Variants in KCNMB2 observed in about 807,000 individuals in gnomAD.
The protein encoded by KCNMB2 is calcium-activated potassium channel subunit beta-2.
Under a neutral mutation model 24.5 loss-of-function variants are expected in KCNMB2, and 9 were observed. The observed-to-expected ratio is 0.37, with a 90% CI of 0.22 to 0.64. The LOEUF is 0.64. Ranked by LOEUF, KCNMB2 falls within the 30% of genes least tolerant of loss-of-function variation. The pLI, the probability that KCNMB2 is intolerant of heterozygous loss-of-function variation, is 0.63. For missense variants in KCNMB2, 226 were observed against 284.3 expected (o/e 0.79, Z 1.47); for synonymous variants, 109 against 104.4 (o/e 1.04, Z -0.27).
At chr3:178,675,620 T>C (rs901583831) in intron 1 of KCNMB2, among the ~76,000 whole-genome samples, 14 of 152,216 alleles carry the variant, frequency 9.2e-5, no homozygotes, top group Admixed American at 7.2e-4. Flanking sequence ...AAATCTTTGA[T>C]CAATGTTCAC....
intron 1 of KCNMB2, among the ~76,000 whole-genome samples, chr3:178,784,241 C>T (rs11924694): frequency 0.12 from 18,883 of 152,076 alleles, 1,284 homozygotes; most frequent in East Asian, 0.22. Context: ...TGCATCATAG[C>T]AAAACAATTG....
chr3:178,540,613 T>C (rs1054458111), intron 1 of KCNMB2, among the ~76,000 whole-genome samples: 1 of 152,210 alleles, frequency 6.6e-6, no homozygotes, highest in African/African-American at 2.4e-5. Context: ...CCAAGCACTC[T>C]CAAACCTCAG....
intron 1 of KCNMB2, among the ~76,000 whole-genome samples, chr3:178,613,661 G>T (rs1256072916): frequency 2.0e-5 from 3 of 152,264 alleles, no homozygotes; most frequent in East Asian, 3.9e-4. Flanking sequence ...CTCCTGCACT[G>T]TAAAGTTTCC....
At chr3:178,588,419 G>A (rs1165628884) in intron 1 of KCNMB2, among the ~76,000 whole-genome samples, 1 of 152,072 alleles carries the variant, frequency 6.6e-6, no homozygotes, top group East Asian at 1.9e-4. Context: ...TTAAGAGAGT[G>A]TTAGCAAGCC....
chr3:178,775,533 T>C (rs1204284874), intron 1 of KCNMB2, among the ~76,000 whole-genome samples: 2 of 152,198 alleles, frequency 1.3e-5, no homozygotes, highest in Admixed American at 6.5e-5. Context: ...ACGCTAAAAA[T>C]ATTAGATTCT....
At chr3:178,696,309 A>T (rs1721873190) in intron 1 of KCNMB2, among the ~76,000 whole-genome samples, 2 of 152,116 alleles carry the variant, frequency 1.3e-5, no homozygotes, top group African/African-American at 4.8e-5. Flanking sequence ...TTGAGTGGGG[A>T]CACAGCCAAA....
intron 1 of KCNMB2, among the ~76,000 whole-genome samples, chr3:178,680,169 G>A (rs1010417510): frequency 2.0e-5 from 3 of 152,138 alleles, no homozygotes; most frequent in Non-Finnish European, 4.4e-5. Context: ...GACTGCACAC[G>A]TCTTCCCTAA....
chr3:178,640,327 G>T (rs1719677910), intron 1 of KCNMB2, among the ~76,000 whole-genome samples: 1 of 152,190 alleles, frequency 6.6e-6, no homozygotes, highest in African/African-American at 2.4e-5. Flanking sequence ...AATCACAGCA[G>T]AAGGCAAAGG....
At chr3:178,702,238 C>T (rs1430068307) in intron 1 of KCNMB2, among the ~76,000 whole-genome samples, 2 of 130,944 alleles carry the variant, frequency 1.5e-5, no homozygotes, top group South Asian at 2.4e-4. Context: ...ACAATGAGAA[C>T]ACTTGGACAC....
chr3:178,710,475 A>G (rs1203489519), intron 1 of KCNMB2, among the ~76,000 whole-genome samples: 2 of 152,170 alleles, frequency 1.3e-5, no homozygotes, highest in East Asian at 3.9e-4. Context: ...AGACCTCAAT[A>G]ATCCTAAATT....
At chr3:178,765,511 T>C (rs964383539) in intron 1 of KCNMB2, among the ~76,000 whole-genome samples, 2 of 152,228 alleles carry the variant, frequency 1.3e-5, no homozygotes, top group African/African-American at 4.8e-5. Context: ...TAAACATGAT[T>C]TGGCTTGTCA....
chr3:178,584,531 C>A lies in KCNMB2; in HGVS notation c.-68+47820C>A, dbSNP rs367799860. On this transcript the variant is annotated intron_variant, in intron 1 of 4. Coordinates refer to ENST00000452583, the MANE Select transcript of KCNMB2 (RefSeq NM_181361.3). ...ACTGAATAGGTAAAAGCACCTAGAA[C>A]AGTGCCTGGCACATGCTAAGTGCTT... is the stretch of plus-strand genomic sequence containing the variant. 1.3e-4 allele frequency among the ~76,000 whole-genome samples: 19 copies of A among 148,910 alleles called. 2 individuals carry two copies. Among genetic ancestry groups the A allele is most frequent in the Admixed American group, 7.4e-4 (11 of 14,924 alleles).
At chr3:178,744,736 C>T (rs938406671) in intron 1 of KCNMB2, among the ~76,000 whole-genome samples, 15 of 151,452 alleles carry the variant, frequency 9.9e-5, no homozygotes, top group Non-Finnish European at 1.8e-4. Context: ...AAGGATTAGG[C>T]ATGGCCAGGC....
rs187879957 is a variant in KCNMB2, at chr3:178,582,007, C to A, written c.-68+45296C>A. On this transcript the variant is annotated intron_variant, in intron 1 of 4. Coordinates refer to ENST00000452583, the MANE Select transcript of KCNMB2 (RefSeq NM_181361.3). ...ACCATTTGACCCAGCAACCCCATTA[C>A]TGGGTATATATCCAAAGGATTATAA... Among the ~76,000 whole-genome samples, 255 of 152,318 alleles carry A rather than the reference C, an allele frequency of 1.7e-3. 2 individuals carry two copies. The highest frequency in any genetic ancestry group is 3.0e-3 in the Non-Finnish European group (201 of 68,034).
At position 178,742,724 on chromosome 3, in the gene KCNMB2, T is replaced by C. The variant is rs59142654; in HGVS notation, c.-67-64619T>C. ...AGTGGTAAAGGCAGAAAAACGTACCTGTAGTACCAAACATATGGCTGGGGA... is the reference window on the plus strand; with the variant it reads ...AGTGGTAAAGGCAGAAAAACGTACCCGTAGTACCAAACATATGGCTGGGGA... On this transcript the variant is annotated intron_variant, in intron 1 of 4. Transcript: ENST00000452583. Among the ~76,000 whole-genome samples the C allele has an allele frequency of 1.5e-3, 228 of 152,306 alleles. 2 individuals are homozygous for C. Among genetic ancestry groups the C allele is most frequent in the African/African-American group, 5.1e-3 (214 of 41,560 alleles).
In KCNMB2 at chr3:178,571,615, A is replaced by G. The variant is rs948933551; in HGVS notation, c.-68+34904A>G. ...CGTGCCATGGTGGTTTGCTGCACCT[A>G]TCAACCTGTCATCTAGGTTTTAAGC... On this transcript the variant is annotated intron_variant, in intron 1 of 4. Coordinates refer to ENST00000452583, the MANE Select transcript of KCNMB2 (RefSeq NM_181361.3). Among the ~76,000 whole-genome samples, 3 of 151,786 alleles carry G rather than the reference A, an allele frequency of 2.0e-5. No individual in the cohort carries two copies. The South Asian group carries it at 6.2e-4, about 32-fold the overall frequency.
chr3:178,549,474 C>CTTTTTTTTTTTTT (rs1237618463), intron 1 of KCNMB2, among the ~76,000 whole-genome samples: 53 of 94,598 alleles, frequency 5.6e-4, no homozygotes, highest in Admixed American at 7.7e-4. Flanking sequence ...CAATGCCCAG[C>CTTTTTTTTTTTTT]TTTTTTTTTT....
At chr3:178,745,901 C>T (rs1314366582) in intron 1 of KCNMB2, among the ~76,000 whole-genome samples, 1 of 152,206 alleles carries the variant, frequency 6.6e-6, no homozygotes, top group African/African-American at 2.4e-5. Context: ...GACAGCTCTG[C>T]CTCTGTGGCT....
intron 1 of KCNMB2, among the ~76,000 whole-genome samples, chr3:178,736,779 T>A (rs1376584494): frequency 6.6e-6 from 1 of 152,216 alleles, no homozygotes; most frequent in Non-Finnish European, 1.5e-5. Context: ...CAAAAAATGT[T>A]TAATGTTTTA....
Sources: allele counts gnomAD v4.1 joint callset (sites outside exome capture counted in the v4.1 genomes callset), GRCh38; gene constraint gnomAD v4.1.1; transcripts MANE v1.5; gene names NCBI Gene and HGNC (gene_info 2026-07-23, HGNC 2026-07-21).